ZNF341: variants seen among roughly 807,000 people sequenced by gnomAD.
ZNF341 encodes zinc finger protein 341.
In ZNF341, 52 loss-of-function variants were observed where a neutral mutation model predicts 87.7. That is an observed-to-expected ratio of 0.59 (90% CI 0.47 to 0.75). The LOEUF (loss-of-function observed/expected upper bound fraction) is 0.75, where lower values mean the gene tolerates loss of function less well. Among genes scored for constraint, ZNF341 ranks in the 30% least tolerant of loss-of-function variants. The probability of loss-of-function intolerance (pLI) is 0.00; values close to 1 mark genes in which losing one functional copy is unlikely to be tolerated. For synonymous variants in ZNF341, 459 were observed against 472.7 expected (o/e 0.97, Z 0.38); for missense variants, 977 against 1,145.9 (o/e 0.85, Z 2.13).
At chr20:33,750,040 G>C (rs533598030) in intron 4 of ZNF341, among the ~76,000 whole-genome samples, 1 of 152,100 alleles carries the variant, frequency 6.6e-6, no homozygotes, top group Non-Finnish European at 1.5e-5. Context: ...GTGCGCCACC[G>C]CGCCCAGCCT....
At chr20:33,777,627 C>G (rs1432431308) in intron 10 of ZNF341, among the ~76,000 whole-genome samples, 1 of 143,142 alleles carries the variant, frequency 7.0e-6, no homozygotes, top group Non-Finnish European at 1.5e-5. Context: ...GAGCGAGACT[C>G]TTGTCTCAAA....
At chr20:33,783,141 C>T (rs540803190) in intron 11 of ZNF341, among the ~76,000 whole-genome samples, 183 of 136,510 alleles carry the variant, frequency 1.3e-3, no homozygotes, top group East Asian at 2.1e-4. Context: ...ACAATATGAG[C>T]GAAACTGCAT....
chr20:33,778,126 G>C (rs925758792), intron 10 of ZNF341, among the ~76,000 whole-genome samples: 9 of 151,994 alleles, frequency 5.9e-5, no homozygotes, highest in Admixed American at 2.6e-4. Flanking sequence ...CTGGCTATTG[G>C]TAAACAATCT....
intron 10 of ZNF341, among the ~76,000 whole-genome samples, chr20:33,771,560 T>C (rs2019533626): frequency 6.6e-6 from 1 of 152,060 alleles, no homozygotes; most frequent in African/African-American, 2.4e-5. Context: ...TGATGATTCT[T>C]AGAATGAACA....
chr20:33,736,345 AC>A (rs2018684941), intron 1 of ZNF341, among the ~76,000 whole-genome samples: 2 of 151,884 alleles, frequency 1.3e-5, no homozygotes, highest in South Asian at 4.2e-4. Flanking sequence ...CTTGCCTTTA[AC>A]CTCCAAACTG....
intron 11 of ZNF341, among the ~76,000 whole-genome samples, chr20:33,782,439 T>C (rs1055686868): frequency 1.3e-5 from 2 of 152,226 alleles, no homozygotes; most frequent in African/African-American, 4.8e-5. Context: ...GCTTCTTCAC[T>C]CTACTCATTT....
chr20:33,750,434 C>A (rs562598381), intron 4 of ZNF341, among the ~76,000 whole-genome samples: 2 of 152,084 alleles, frequency 1.3e-5, no homozygotes, highest in African/African-American at 4.8e-5. Context: ...AAGAAGAGGA[C>A]CCCGTGTCCT....
intron 10 of ZNF341, among the ~76,000 whole-genome samples, chr20:33,771,390 G>A (rs1480452448): frequency 6.6e-6 from 1 of 151,678 alleles, no homozygotes; most frequent in Non-Finnish European, 1.5e-5. Context: ...GGACTAACAG[G>A]CATGTGCCCC....
Position 33,791,699 on chromosome 20 carries a change from G to A in ZNF341, c.*182G>A. 2 of 670,052 alleles carry A rather than the reference G, an allele frequency of 3.0e-6. No homozygotes were observed. Among genetic ancestry groups the A allele is most frequent in the East Asian group, 2.8e-5 (1 of 36,056 alleles). The allele number at this position is 670,052 out of a possible 1,614,324, so 41.5% of individuals were successfully genotyped here. ...GCCCTCCTGTGCCCCTCTCCTGCCGGAAAGCCCTGCAACATTCTAGGGTTG... is the reference window on the plus strand; with the variant it reads ...GCCCTCCTGTGCCCCTCTCCTGCCGAAAAGCCCTGCAACATTCTAGGGTTG... On this transcript the variant is annotated 3_prime_UTR_variant, in exon 15 of 15. Transcript: ENST00000375200.
chr20:33,759,539 C>T (rs773232076), intron 7 of ZNF341, among the ~76,000 whole-genome samples: 5 of 152,182 alleles, frequency 3.3e-5, no homozygotes, highest in African/African-American at 4.8e-5. Context: ...CCGCCTCGGC[C>T]TCCCAAAGTA....
chr20:33,756,405 C>T (rs951286473), intron 5 of ZNF341, among the ~76,000 whole-genome samples: 27 of 150,194 alleles, frequency 1.8e-4, no homozygotes, highest in Non-Finnish European at 3.7e-4. Context: ...CTCACTCCAT[C>T]GCCCAGGCTG....
At chr20:33,766,746 A>G in intron 8 of ZNF341, 105 bp from the exon 9 acceptor site, 1 of 1,244,592 alleles carries the variant, frequency 8.0e-7, no homozygotes, top group South Asian at 1.5e-5. Context: ...ACCCAAAGCG[A>G]GTAGCAGGTG....
chr20:33,791,416 G>T lies in ZNF341; in HGVS notation c.2464G>T (p.Glu822Ter). 1 of 1,611,856 alleles carries T rather than the reference G, an allele frequency of 6.2e-7. No homozygotes were observed. Residue 822 changes from glutamate (E) to a stop codon, truncating the protein, a stop_gained, in exon 15 of 15, where the codon GAG becomes TAG. Transcript: ENST00000375200. LOFTEE classifies it high-confidence loss of function. ...TGAGCTGGTGGTACCTGGACACGCTGAGGGGCTGGGCTCCAACCTGGCTCT... is the reference window on the plus strand; with the variant it reads ...TGAGCTGGTGGTACCTGGACACGCTTAGGGGCTGGGCTCCAACCTGGCTCT... ...ETELVVPGHA[E>*]GLGSNLALAE...
rs890615684 is a variant in ZNF341 at position 33,781,228 on chromosome 20, C to T, written c.1623-63C>T. On this transcript the variant is annotated intron_variant, in intron 10 of 14. Transcript: ENST00000375200. ...CTCCTAATGTTGGCCCTGGGGTGGC[C>T]GGGGCGCTGCTTCCTATGCCTGCTG... The T allele has an allele frequency of 2.3e-5, 30 of 1,311,364 alleles. 1 individual carries two copies. Among genetic ancestry groups the T allele is most frequent in the African/African-American group, 1.3e-4 (9 of 68,864 alleles). The allele number at this position is 1,311,364 out of a possible 1,614,324, so 81.2% of individuals were successfully genotyped here.
chr20:33,739,504 A>G (rs530012197), intron 1 of ZNF341, among the ~76,000 whole-genome samples: 2 of 152,342 alleles, frequency 1.3e-5, no homozygotes, highest in Non-Finnish European at 2.9e-5. Flanking sequence ...TTCAACTGTG[A>G]TAACTGATTA....
chr20:33,758,407 G>A (rs1472192139), intron 6 of ZNF341, among the ~76,000 whole-genome samples: 2 of 152,208 alleles, frequency 1.3e-5, no homozygotes, highest in Admixed American at 1.3e-4. Context: ...GCTGGATGGA[G>A]AGAATGATGA....
rs920280451 is a variant in ZNF341, at chr20:33,775,404, G to T, written c.1622+5112G>T. ...TTTTTGTATTTTTAGTAGAGACGGG[G>T]TTTCACCATGTTAGCCAGGATGGTC... On this transcript the variant is annotated intron_variant, in intron 10 of 14. Transcript: ENST00000375200. Among the ~76,000 whole-genome samples, 5 of 151,202 alleles carry T rather than the reference G, an allele frequency of 3.3e-5. No individual in the cohort carries two copies. The East Asian group carries it at 5.8e-4, about 18-fold the overall frequency.
At chr20:33,774,315 A>C (rs1355037890) in intron 10 of ZNF341, among the ~76,000 whole-genome samples, 1 of 152,108 alleles carries the variant, frequency 6.6e-6, no homozygotes, top group Non-Finnish European at 1.5e-5. Flanking sequence ...AAAAAAGAGA[A>C]AAATAAGATT....
chr20:33,791,518 C>T lies in ZNF341; in HGVS notation c.*1C>T, dbSNP rs767903081. ...CGTCTACATCCAGGCCTCCGAGTGACGGACCTGAGGTGTCTGTTTCCTGGG... is the reference window on the plus strand; with the variant it reads ...CGTCTACATCCAGGCCTCCGAGTGATGGACCTGAGGTGTCTGTTTCCTGGG... On this transcript the variant is annotated 3_prime_UTR_variant, in exon 15 of 15. Transcript: ENST00000375200. The T allele has an allele frequency of 1.5e-5, 24 of 1,549,214 alleles. No individual in the cohort carries two copies. The highest frequency in any genetic ancestry group is 8.1e-5 in the African/African-American group (6 of 73,986).
Sources: allele counts gnomAD v4.1 joint callset (sites outside exome capture counted in the v4.1 genomes callset), GRCh38; gene constraint gnomAD v4.1.1; transcripts MANE v1.5; gene names NCBI Gene and HGNC (gene_info 2026-07-23, HGNC 2026-07-21).